SLC26A5: variants seen among roughly 807,000 people sequenced by gnomAD.
SLC26A5 encodes solute carrier family 26 member 5, also known as prestin.
SLC26A5 carries 51 observed loss-of-function variants against 81.0 expected under a neutral mutation model. The observed-to-expected ratio is 0.63, with a 90% CI of 0.50 to 0.80. SLC26A5 has a LOEUF of 0.80. Ranked by LOEUF, SLC26A5 falls within the 30% of genes least tolerant of loss-of-function variation. The probability of loss-of-function intolerance (pLI) is 0.00; values close to 1 mark genes in which losing one functional copy is unlikely to be tolerated. For missense variants in SLC26A5, 771 were observed against 905.8 expected (o/e 0.85, Z 1.91); for synonymous variants, 325 against 332.8 (o/e 0.98, Z 0.25).
At chr7:103,379,922 A>T (rs938164334) in intron 15 of SLC26A5, among the ~76,000 whole-genome samples, 9 of 152,108 alleles carry the variant, frequency 5.9e-5, no homozygotes, top group Admixed American at 5.9e-4. Context: ...CTTAGAGTGA[A>T]TTTTGTTTCC....
At chr7:103,362,283 A>T (rs778410246) in intron 19 of SLC26A5, 2 of 1,397,972 alleles carry the variant, frequency 1.4e-6, no homozygotes, top group Non-Finnish European at 1.8e-6. Context: ...TGACTCCCCT[A>T]CTCCCACTGT....
rs192024212 is a variant in SLC26A5 at position 103,408,682 on chromosome 7, A to T, written c.736-679T>A. On this transcript the variant is annotated intron_variant, in intron 7 of 19. Coordinates refer to ENST00000306312, the MANE Select transcript of SLC26A5 (RefSeq NM_198999.3). ...GTACTCCAAAGGTAAATACATTGAA[A>T]AGCTTTTAGGAGCTCAAAGAGAGAG... Among the ~76,000 whole-genome samples the T allele has an allele frequency of 7.2e-5, 11 of 152,348 alleles. No homozygotes were observed. In the East Asian group the frequency reaches 1.5e-3, roughly 21 times the overall value.
chr7:103,384,335 G>A (rs1233545975), intron 14 of SLC26A5, among the ~76,000 whole-genome samples: 3 of 151,890 alleles, frequency 2.0e-5, no homozygotes, highest in Admixed American at 2.0e-4. Flanking sequence ...GATTGAGGCT[G>A]GGCGCGGTGG....
At chr7:103,362,462 T>G in intron 19 of SLC26A5, 1 of 1,378,570 alleles carries the variant, frequency 7.3e-7, no homozygotes, top group African/African-American at 1.5e-5. Context: ...AAATCTCCCC[T>G]CCCTCCTCAA....
intron 8 of SLC26A5, among the ~76,000 whole-genome samples, chr7:103,406,523 C>G (rs1824064225): frequency 6.6e-6 from 1 of 152,150 alleles, no homozygotes; most frequent in African/African-American, 2.4e-5. Context: ...ATTGTCTAAC[C>G]ATGCCCAATG....
chr7:103,386,428 G>A (rs914252058), intron 14 of SLC26A5, among the ~76,000 whole-genome samples: 8 of 151,838 alleles, frequency 5.3e-5, no homozygotes, highest in African/African-American at 9.7e-5. Context: ...TTGGCCGGGC[G>A]TGGTGGCACG....
intron 15 of SLC26A5, among the ~76,000 whole-genome samples, chr7:103,379,841 G>C (rs1217722925): frequency 6.6e-6 from 1 of 152,152 alleles, no homozygotes; most frequent in East Asian, 1.9e-4. Flanking sequence ...CTAGGAGGCA[G>C]GCTGGAAACA....
At chr7:103,444,014 AGGGTGAAGGTG>A (rs1389884357) in intron 1 of SLC26A5, among the ~76,000 whole-genome samples, 1 of 152,200 alleles carries the variant, frequency 6.6e-6, no homozygotes, top group Non-Finnish European at 1.5e-5. Flanking sequence ...ATTGTTTTCA[AGGGTGAAGGTG>A]GGGAGAAGAT....
intron 19 of SLC26A5, among the ~76,000 whole-genome samples, chr7:103,375,316 A>G (rs553873814): frequency 6.6e-6 from 1 of 151,924 alleles, no homozygotes; most frequent in African/African-American, 2.4e-5. Flanking sequence ...CAATGCTGTG[A>G]TGATCAACGA....
intron 2 of SLC26A5, among the ~76,000 whole-genome samples, chr7:103,435,348 G>C (rs1231462830): frequency 6.6e-6 from 1 of 152,042 alleles, no homozygotes; most frequent in Non-Finnish European, 1.5e-5. Flanking sequence ...TCATATGTCA[G>C]GTTATTCTTG....
At chr7:103,419,058 C>A (rs181291472) in intron 4 of SLC26A5, among the ~76,000 whole-genome samples, 1 of 152,076 alleles carries the variant, frequency 6.6e-6, no homozygotes, top group Non-Finnish European at 1.5e-5. Context: ...GATGATTTTA[C>A]GAGGGGCAGT....
chr7:103,443,893 T>C (rs1827070493), intron 1 of SLC26A5, among the ~76,000 whole-genome samples: 1 of 152,228 alleles, frequency 6.6e-6, no homozygotes, highest in Non-Finnish European at 1.5e-5. Context: ...CTGAAAGGTG[T>C]ACAAGATTTT....
intron 4 of SLC26A5, among the ~76,000 whole-genome samples, chr7:103,416,225 TG>T (rs1824897354): frequency 6.6e-6 from 1 of 152,242 alleles, no homozygotes; most frequent in Admixed American, 6.5e-5. Context: ...TTGTGTGATT[TG>T]GTCTCTTTCT....
intron 10 of SLC26A5, 60 bp downstream of exon 10, chr7:103,392,859 G>A (rs1291562699): frequency 1.9e-6 from 3 of 1,605,246 alleles, no homozygotes; most frequent in East Asian, 2.2e-5. Flanking sequence ...TTACAGGCGT[G>A]AGCCAGACAT....
intron 8 of SLC26A5, among the ~76,000 whole-genome samples, chr7:103,406,917 T>C (rs908251086): frequency 6.6e-6 from 1 of 152,204 alleles, no homozygotes; most frequent in Non-Finnish European, 1.5e-5. Context: ...CCTCCCAAAG[T>C]GCTAGGATTA....
At chr7:103,361,209 T>C (rs975165826) in intron 19 of SLC26A5, among the ~76,000 whole-genome samples, 5 of 151,118 alleles carry the variant, frequency 3.3e-5, no homozygotes, top group African/African-American at 1.2e-4. Context: ...AAAGTCCGGG[T>C]GTGGTGGCTC....
rs1820770200 is a variant in SLC26A5 at position 103,367,361 on chromosome 7, G to C, written c.2041+9447C>G. 1 of 1,576,338 alleles carries C rather than the reference G, an allele frequency of 6.3e-7. No individual in the cohort carries two copies. The highest frequency in any genetic ancestry group is 1.7e-5 in the Admixed American group (1 of 59,884). On this transcript the variant is annotated intron_variant, in intron 19 of 19. Transcript: ENST00000339444. The surrounding 1 kb of genome is among the most constrained non-coding windows in gnomAD (Gnocchi z 6.1). Reference sequence around the variant, plus strand: ...TTTTGGTACTTTCAGGTCATGCATAGTGCTACTCTTGAGTGGACTTGAAGA... The same window carrying C: ...TTTTGGTACTTTCAGGTCATGCATACTGCTACTCTTGAGTGGACTTGAAGA...
At chr7:103,420,923 A>C (rs755433718) in intron 3 of SLC26A5, 46 bp from the exon 4 acceptor site, 3 of 1,565,610 alleles carry the variant, frequency 1.9e-6, no homozygotes. Flanking sequence ...AATGAGAAAC[A>C]TCTCTGTAGA....
chr7:103,371,110 T>C (rs1821006516), downstream of SLC26A5, among the ~76,000 whole-genome samples: 2 of 152,184 alleles, frequency 1.3e-5, no homozygotes, highest in South Asian at 4.1e-4. Context: ...ATGAAATAAT[T>C]GAGTAAAACA....
Sources: gnomAD v4.1 joint callset for allele counts (sites outside exome capture counted in the v4.1 genomes callset) on GRCh38, gnomAD v4.1.1 for gene constraint, Gnocchi (gnomAD v3.1) non-coding constraint, MANE v1.5 for transcripts, NCBI Gene and HGNC (gene_info 2026-07-23, HGNC 2026-07-21) for gene names.